The following ADAM18 variants were observed in gnomAD, a reference collection of about 807,000 sequenced individuals.
ADAM18 encodes ADAM metallopeptidase domain 18.
In ADAM18, 117 loss-of-function variants were observed where a neutral mutation model predicts 94.4. The ratio of observed to expected loss-of-function variants is 1.24; its 90% CI spans 1.07 to 1.45. ADAM18 has a LOEUF of 1.45. ADAM18 is among the 40% of genes most tolerant of loss of function. The pLI is 0.00. For synonymous variants in ADAM18, 327 were observed against 291.6 expected (o/e 1.12, Z -1.24); for missense variants, 936 against 880.0 (o/e 1.06, Z -0.81).
chr8:39,728,553 AT>A (rs1474836574), intron 19 of ADAM18, among the ~76,000 whole-genome samples: 2 of 152,182 alleles, frequency 1.3e-5, no homozygotes, highest in African/African-American at 4.8e-5. Flanking sequence ...TATATAAAAA[AT>A]AAAGTCTTTA....
At chr8:39,628,972 G>C (rs1819854384) in intron 6 of ADAM18, among the ~76,000 whole-genome samples, 1 of 152,000 alleles carries the variant, frequency 6.6e-6, no homozygotes, top group Non-Finnish European at 1.5e-5. Flanking sequence ...TGGAGACTAT[G>C]AGTTCTCAAA....
chr8:39,657,636 A>T (rs982215161), intron 12 of ADAM18, among the ~76,000 whole-genome samples: 4 of 152,152 alleles, frequency 2.6e-5, no homozygotes, highest in Admixed American at 2.0e-4. Flanking sequence ...AAAGGGGTTA[A>T]AGGGAACATC....
intron 2 of ADAM18, among the ~76,000 whole-genome samples, chr8:39,594,793 G>GTTTTTTTTTTTTT: frequency 2.1e-5 from 1 of 46,848 alleles, no homozygotes; most frequent in Non-Finnish European, 4.0e-5. Context: ...TTTGCTGTGA[G>GTTTTTTTTTTTTT]TTTTTTTTTT....
chr8:39,610,149 A>G (rs1454323698), intron 5 of ADAM18, among the ~76,000 whole-genome samples: 1 of 152,148 alleles, frequency 6.6e-6, no homozygotes, highest in Admixed American at 6.5e-5. Context: ...TGTGGTTTTT[A>G]TAGATAACAA....
Position 39,610,598 on chromosome 8 carries a change from T to C in ADAM18, c.414T>C (p.His138=), listed in dbSNP as rs201725440. Residue 138 remains histidine (H), a synonymous_variant, in exon 6 of 20, where the codon CAT becomes CAC. Coordinates refer to ENST00000265707, the MANE Select transcript of ADAM18 (RefSeq NM_014237.3). ...TAGAATCTTCAGCAAGATTTGAGCA[T>C]ATAATTTATCAAATGAAAAATAATG... The part of the protein sequence containing the change: ...EPVESSARFE[H]IIYQMKNNDP... The C allele has an allele frequency of 1.2e-6, 2 of 1,612,674 alleles. No homozygotes were observed. The highest frequency in any genetic ancestry group is 3.3e-5 in the Admixed American group (2 of 59,940).
At chr8:39,677,855 T>C (rs1037911661) in intron 15 of ADAM18, among the ~76,000 whole-genome samples, 4 of 152,196 alleles carry the variant, frequency 2.6e-5, no homozygotes, top group Non-Finnish European at 5.9e-5. Flanking sequence ...AGCAACAATC[T>C]TAAAGCAAAC....
chr8:39,637,496 A>C, intron 8 of ADAM18, 41 bp from the exon 9 acceptor site: 1 of 1,514,292 alleles, frequency 6.6e-7, no homozygotes, highest in South Asian at 1.3e-5. Flanking sequence ...TAAATGTAAT[A>C]ACTTGTTTCT....
intron 13 of ADAM18, 137 bp from the exon 14 acceptor site, chr8:39,667,861 C>A: frequency 2.4e-6 from 2 of 829,044 alleles, no homozygotes; most frequent in Admixed American, 2.8e-5. Context: ...TTTTTTTTGG[C>A]AAACTCACGG....
At chr8:39,633,249 T>C (rs546970763) in intron 7 of ADAM18, among the ~76,000 whole-genome samples, 11 of 152,178 alleles carry the variant, frequency 7.2e-5, no homozygotes, top group African/African-American at 2.6e-4. Context: ...CAGGAGTGGG[T>C]GTTGCCATTG....
In ADAM18 at chr8:39,723,778, C is replaced by T. The variant is rs771864785; in HGVS notation, c.2048C>T (p.Thr683Ile). Residue 683 changes from threonine (T) to isoleucine (I), a missense_variant, in exon 19 of 20, where the codon ACA (threonine) becomes ATA (isoleucine). Transcript: ENST00000265707. The part of the protein sequence containing the change: ...GDFYTEKGYN[T>I]HWNNWFILSF... The stretch of plus-strand genomic sequence containing the variant: ...TTTTATACTGAAAAAGGCTACAATA[C>T]ACACTGGAACAACTGGTTTATTCTG... 1.3e-6 allele frequency: 2 copies of T among 1,573,128 alleles called. No individual in the cohort carries two copies. Among genetic ancestry groups the T allele is most frequent in the Non-Finnish European group, 1.7e-6 (2 of 1,161,058 alleles).
chr8:39,710,190 A>G (rs1033188244), intron 18 of ADAM18, among the ~76,000 whole-genome samples: 1 of 152,212 alleles, frequency 6.6e-6, no homozygotes, highest in East Asian at 1.9e-4. Context: ...TCTGAAAAAG[A>G]AGATTAAAAG....
intron 12 of ADAM18, among the ~76,000 whole-genome samples, 185 bp from the exon 13 acceptor site, chr8:39,663,598 CAAAAAAAAAAAA>C (rs10597769): frequency 4.6e-4 from 9 of 19,588 alleles, no homozygotes; most frequent in East Asian, 2.1e-3. Context: ...AATCCTGTCT[CAAAAAAAAAAAA>C]AAAAAAAAAA....
rs79468117 is a variant in ADAM18, at chr8:39,690,123, C to G, written c.1822-2477C>G. On this transcript the variant is annotated intron_variant, in intron 16 of 19. Coordinates refer to ENST00000265707, the MANE Select transcript of ADAM18 (RefSeq NM_014237.3). The stretch of plus-strand genomic sequence containing the variant: ...AAGCTTTTGCGCTGAGAGGATGGTC[C>G]TTTGAGGTTGAGCTCCAGTTGGGCT... Among the ~76,000 whole-genome samples the G allele has an allele frequency of 6.3e-3, 960 of 152,210 alleles. 13 individuals carry two copies. Among genetic ancestry groups the G allele is most frequent in the African/African-American group, 0.022 (906 of 41,526 alleles).
At chr8:39,604,290 G>T (rs1471965297) in intron 2 of ADAM18, among the ~76,000 whole-genome samples, 1 of 152,120 alleles carries the variant, frequency 6.6e-6, no homozygotes, top group African/African-American at 2.4e-5. Flanking sequence ...CCCTCATTAC[G>T]CATTAGAAAA....
At chr8:39,697,080 G>A (rs940015210) in intron 17 of ADAM18, among the ~76,000 whole-genome samples, 1 of 151,284 alleles carries the variant, frequency 6.6e-6, no homozygotes, top group African/African-American at 2.4e-5. Context: ...GTCTCTCCTT[G>A]GTTTTAAGTT....
chr8:39,670,426 G>C (rs961890773), intron 14 of ADAM18, among the ~76,000 whole-genome samples: 2 of 151,894 alleles, frequency 1.3e-5, no homozygotes, highest in Non-Finnish European at 2.9e-5. Context: ...TTTTTCTTCT[G>C]TTACCAAAAA....
chr8:39,701,067 G>A (rs1822058412), intron 17 of ADAM18, among the ~76,000 whole-genome samples: 2 of 114,554 alleles, frequency 1.7e-5, no homozygotes, highest in South Asian at 3.1e-4. Context: ...GCAGTGAGCC[G>A]AGATCCCGCC....
intron 7 of ADAM18, among the ~76,000 whole-genome samples, chr8:39,637,022 TATATATATATATATATA>T (rs1820093519): frequency 5.4e-4 from 13 of 23,912 alleles, no homozygotes; most frequent in African/African-American, 2.9e-3. Context: ...GTGTATTTTA[TATATATATATATATATA>T]TATATATATA....
At chr8:39,663,396 C>T (rs1217751275) in intron 12 of ADAM18, among the ~76,000 whole-genome samples, 19 of 137,612 alleles carry the variant, frequency 1.4e-4, no homozygotes, top group Non-Finnish European at 7.6e-5. Context: ...TGAGACCAGC[C>T]TGGGCAAGAT....
Sources: allele counts gnomAD v4.1 joint callset (sites outside exome capture counted in the v4.1 genomes callset), GRCh38; gene constraint gnomAD v4.1.1; transcripts MANE v1.5; gene names NCBI Gene and HGNC (gene_info 2026-07-23, HGNC 2026-07-21).